Variants in F13A1 observed in about 807,000 individuals in gnomAD.
F13A1 encodes FSF, A subunit.
F13A1 carries 47 observed loss-of-function variants against 80.1 expected under a neutral mutation model. The ratio of observed to expected loss-of-function variants is 0.59; its 90% CI spans 0.46 to 0.75. The LOEUF (loss-of-function observed/expected upper bound fraction) is 0.75. Among genes scored for constraint, F13A1 ranks in the 30% least tolerant of loss-of-function variants. The pLI is 0.00. For missense variants in F13A1, 817 were observed against 930.4 expected (o/e 0.88, Z 1.59); for synonymous variants, 349 against 344.9 (o/e 1.01, Z -0.13).
At chr6:6,227,062 C>T (rs1038800575) in intron 6 of F13A1, among the ~76,000 whole-genome samples, 2 of 152,058 alleles carry the variant, frequency 1.3e-5, no homozygotes, top group Non-Finnish European at 2.9e-5. Context: ...AGGAGCTCTG[C>T]ATGGGTATTA....
At chr6:6,245,424 A>G (rs963433430) in intron 6 of F13A1, among the ~76,000 whole-genome samples, 2 of 152,146 alleles carry the variant, frequency 1.3e-5, no homozygotes, top group African/African-American at 4.8e-5. Flanking sequence ...GGGTTTCTCC[A>G]TGTTGGTCAG....
rs561344758 is a variant in F13A1, at chr6:6,202,363, A to T, written c.1113-5037T>A. ...CATCATGCATTTGTAGAGTGCATAAATCTACTTTGGGAGCTCTGTTGGTCT... is the reference window on the plus strand; with the variant it reads ...CATCATGCATTTGTAGAGTGCATAATTCTACTTTGGGAGCTCTGTTGGTCT... On this transcript the variant is annotated intron_variant, in intron 8 of 14. Transcript: ENST00000264870. Among the ~76,000 whole-genome samples, 5 of 152,298 alleles carry T rather than the reference A, an allele frequency of 3.3e-5. No homozygotes were observed. In the South Asian group the frequency reaches 8.3e-4, roughly 25 times the overall value.
At chr6:6,269,453 G>T (rs536603103) in intron 3 of F13A1, among the ~76,000 whole-genome samples, 151 of 151,628 alleles carry the variant, frequency 1.0e-3, no homozygotes, top group African/African-American at 3.4e-3. Context: ...AAAAAACCTT[G>T]AGCTGACTGA....
intron 4 of F13A1, among the ~76,000 whole-genome samples, chr6:6,251,294 A>G (rs909227389): frequency 1.3e-5 from 2 of 152,252 alleles, no homozygotes; most frequent in Non-Finnish European, 1.5e-5. Flanking sequence ...ATTAAAATAT[A>G]ATTTCCAACC....
chr6:6,153,684 G>A (rs1760423118), intron 13 of F13A1, among the ~76,000 whole-genome samples: 1 of 152,102 alleles, frequency 6.6e-6, no homozygotes, highest in Non-Finnish European at 1.5e-5. Context: ...TGCCAGGCAG[G>A]GAGTCCAGCA....
intron 14 of F13A1, among the ~76,000 whole-genome samples, chr6:6,147,052 G>A (rs901628807): frequency 2.6e-5 from 4 of 152,208 alleles, no homozygotes; most frequent in Admixed American, 2.0e-4. Flanking sequence ...AGTAACTCAG[G>A]AATGGAAAAC....
At chr6:6,167,182 G>A (rs765363100) in intron 13 of F13A1, among the ~76,000 whole-genome samples, 1 of 152,134 alleles carries the variant, frequency 6.6e-6, no homozygotes, top group Non-Finnish European at 1.5e-5. Context: ...CTCCACAAGT[G>A]TGTTTATACC....
intron 10 of F13A1, 97 bp downstream of exon 10, chr6:6,195,700 T>C (rs768572894): frequency 9.2e-7 from 1 of 1,085,010 alleles, no homozygotes; most frequent in Non-Finnish European, 1.4e-6. Flanking sequence ...ATACGCTATG[T>C]ACCTGGAAAA....
At chr6:6,241,720 A>G (rs1361864084) in intron 6 of F13A1, among the ~76,000 whole-genome samples, 1 of 152,194 alleles carries the variant, frequency 6.6e-6, no homozygotes, top group African/African-American at 2.4e-5. Flanking sequence ...TAAAACTGTT[A>G]CGAAAGTACC....
In F13A1 at chr6:6,287,523, A is replaced by T. The variant is rs376931076; in HGVS notation, c.319+17828T>A. Reference sequence around the variant, plus strand: ...AAAGCACAGGAGGCAGTCAGGGAGGAAGCGTTTGTGGATGTTCTGAGTGTT... The same window carrying T: ...AAAGCACAGGAGGCAGTCAGGGAGGTAGCGTTTGTGGATGTTCTGAGTGTT... On this transcript the variant is annotated intron_variant, in intron 3 of 14. Coordinates refer to ENST00000264870, the MANE Select transcript of F13A1 (RefSeq NM_000129.4). Among the ~76,000 whole-genome samples, 5 of 152,166 alleles carry T rather than the reference A, an allele frequency of 3.3e-5. No homozygotes were observed. The East Asian group carries it at 5.8e-4, about 18-fold the overall frequency.
At chr6:6,230,468 C>T (rs1377056096) in intron 6 of F13A1, among the ~76,000 whole-genome samples, 12 of 152,096 alleles carry the variant, frequency 7.9e-5, no homozygotes, top group East Asian at 1.9e-4. Context: ...ACCTCAGACA[C>T]GCCTAGCCCA....
chr6:6,145,614 T>G lies in F13A1; in HGVS notation c.*5A>C, dbSNP rs749537784. On this transcript the variant is annotated 3_prime_UTR_variant, in exon 15 of 15. Coordinates refer to ENST00000264870, the MANE Select transcript of F13A1 (RefSeq NM_000129.4). ...TGCCAGGGTTCATCTCAGCTTCCTG[T>G]GCATTCACATGGAAGGTCGTCTTTG... The G allele has an allele frequency of 1.2e-5, 19 of 1,614,002 alleles. No individual in the cohort carries two copies. The highest frequency in any genetic ancestry group is 3.3e-4 in the Middle Eastern group (2 of 6,082).
chr6:6,160,905 C>T (rs980482080), intron 13 of F13A1, among the ~76,000 whole-genome samples: 2 of 150,190 alleles, frequency 1.3e-5, no homozygotes, highest in African/African-American at 4.9e-5. Flanking sequence ...ATGCTTGTAA[C>T]TTTAAAAATC....
intron 4 of F13A1, among the ~76,000 whole-genome samples, chr6:6,263,234 T>C (rs1757801194): frequency 6.6e-6 from 1 of 152,200 alleles, no homozygotes; most frequent in Non-Finnish European, 1.5e-5. Context: ...CTTTCTCGCC[T>C]CCTGTTTACA....
In F13A1 at chr6:6,235,712, G is replaced by C. The variant is rs528983151; in HGVS notation, c.799-10852C>G. On this transcript the variant is annotated intron_variant, in intron 6 of 14. Transcript: ENST00000264870. ...GAATGTAAAATGCCCATCCAATTTAGGAAACAGTTTGGTAGTTTCTTAAAA... is the reference window on the plus strand; with the variant it reads ...GAATGTAAAATGCCCATCCAATTTACGAAACAGTTTGGTAGTTTCTTAAAA... Among the ~76,000 whole-genome samples the C allele has an allele frequency of 2.1e-4, 32 of 152,122 alleles. No homozygotes were observed. The South Asian group carries it at 5.6e-3, about 27-fold the overall frequency.
chr6:6,271,486 C>T (rs944572795), intron 3 of F13A1, among the ~76,000 whole-genome samples: 15 of 152,108 alleles, frequency 9.9e-5, no homozygotes, highest in Admixed American at 6.5e-5. Flanking sequence ...ACGTGTTTGC[C>T]TAGAGTATAT....
chr6:6,294,966 T>C (rs1274597631), intron 3 of F13A1, among the ~76,000 whole-genome samples: 11 of 143,860 alleles, frequency 7.6e-5, no homozygotes, highest in East Asian at 2.1e-4. Flanking sequence ...CATTGTTCAA[T>C]TCCCACCTGT....
chr6:6,181,039 G>T (rs375291202), intron 11 of F13A1, among the ~76,000 whole-genome samples: 4 of 152,168 alleles, frequency 2.6e-5, no homozygotes, highest in African/African-American at 7.2e-5. Flanking sequence ...CGGTCCTCCA[G>T]TTCTGGCCAC....
At chr6:6,205,660 C>G (rs1761474005) in intron 8 of F13A1, among the ~76,000 whole-genome samples, 1 of 152,012 alleles carries the variant, frequency 6.6e-6, no homozygotes, top group Non-Finnish European at 1.5e-5. Flanking sequence ...GATTATCCAG[C>G]TTTCTTTTTT....
Sources: allele counts gnomAD v4.1 joint callset (sites outside exome capture counted in the v4.1 genomes callset), GRCh38; gene constraint gnomAD v4.1.1; transcripts MANE v1.5; gene names NCBI Gene and HGNC (gene_info 2026-07-23, HGNC 2026-07-21).